The following ARHGEF10L variants were observed in gnomAD, a reference collection of about 807,000 sequenced individuals.
The protein encoded by ARHGEF10L is Rho guanine nucleotide exchange factor 10 like.
Under a neutral mutation model 141.2 loss-of-function variants are expected in ARHGEF10L, and 69 were observed. The ratio of observed to expected loss-of-function variants is 0.49; its 90% confidence interval spans 0.40 to 0.60. ARHGEF10L has a LOEUF of 0.60. Ranked by LOEUF, ARHGEF10L falls within the 20% of genes least tolerant of loss-of-function variation. The pLI is 0.00. For synonymous variants in ARHGEF10L, 711 were observed against 718.5 expected (o/e 0.99, Z 0.17); for missense variants, 1,482 against 1,734.3 (o/e 0.85, Z 2.58).
rs2059977256 is a variant in ARHGEF10L, at chr1:17,619,265, T to C, written c.836-74T>C. On this transcript the variant is annotated intron_variant, in intron 9 of 28. Coordinates refer to ENST00000361221, the MANE Select transcript of ARHGEF10L (RefSeq NM_018125.4). The surrounding 1 kb of genome is among the most constrained non-coding windows in gnomAD (Gnocchi z 5.0). ...GGGTCCAAGGCTGGTCTAGGGGGGC[T>C]CTCAGCTCCTGAGGCCTGAGCAGGG... The C allele has an allele frequency of 2.1e-6, 3 of 1,443,246 alleles. No homozygotes were observed. The highest frequency in any genetic ancestry group is 2.9e-6 in the Non-Finnish European group (3 of 1,042,170). 89.4% of individuals were successfully genotyped at this position (1,443,246 alleles called of 1,614,324 possible). A position where few individuals can be genotyped will look rare whatever the true frequency, so the allele number is the denominator to read the frequency against.
intron 7 of ARHGEF10L, among the ~76,000 whole-genome samples, chr1:17,609,245 C>G (rs1005887438): frequency 2.0e-5 from 3 of 152,218 alleles, no homozygotes; most frequent in Non-Finnish European, 2.9e-5. Context: ...GAGGAACACC[C>G]ACACCTGAGT....
At chr1:17,521,023 G>A in the ARHGEF10L span, among the ~76,000 whole-genome samples, 2 of 152,262 alleles carry the variant, frequency 1.3e-5, no homozygotes, top group Admixed American at 6.5e-5. Context: ...CATGCCATCC[G>A]GGCCTCAGCA....
At chr1:17,638,314 G>A (rs1173327461) in intron 19 of ARHGEF10L, among the ~76,000 whole-genome samples, 1 of 152,234 alleles carries the variant, frequency 6.6e-6, no homozygotes, top group Non-Finnish European at 1.5e-5. Context: ...CCAGTGTGGA[G>A]GGGAAGCTGG....
chr1:17,637,742 G>A (rs1186384143), intron 18 of ARHGEF10L, 146 bp from the exon 19 acceptor site: 3 of 607,854 alleles, frequency 4.9e-6, no homozygotes, highest in Non-Finnish European at 8.5e-6. Context: ...CTGACCTCGT[G>A]ATCTGCCTGC....
At chr1:17,682,230 G>T (rs928978216) in intron 26 of ARHGEF10L, among the ~76,000 whole-genome samples, 1 of 152,174 alleles carries the variant, frequency 6.6e-6, no homozygotes, top group Admixed American at 6.5e-5. Flanking sequence ...GGCCAGGGAA[G>T]AACTCTCGAG....
At chr1:17,659,231 C>T (rs1292425672) in intron 25 of ARHGEF10L, among the ~76,000 whole-genome samples, 1 of 152,156 alleles carries the variant, frequency 6.6e-6, no homozygotes, top group Non-Finnish European at 1.5e-5. Context: ...CCCAGTGAAC[C>T]TACTCTCTGG....
the ARHGEF10L span, among the ~76,000 whole-genome samples, chr1:17,527,662 C>CCCCAAGACACTCCTTTT: frequency 6.6e-6 from 1 of 151,988 alleles, no homozygotes; most frequent in Non-Finnish European, 1.5e-5. Context: ...AGTTCATCAC[C>CCCCAAGACACTCCTTTT]CCCAAGACAC....
chr1:17,532,093 G>T, the ARHGEF10L span, among the ~76,000 whole-genome samples: 3 of 152,138 alleles, frequency 2.0e-5, no homozygotes, highest in Non-Finnish European at 4.4e-5. Flanking sequence ...GTCCTGGCCC[G>T]CAGTCTCCAG....
rs367563314 is a variant in ARHGEF10L, at chr1:17,664,447, G to A, written c.2861G>A (p.Gly954Glu). 1.1e-5 allele frequency: 17 copies of A among 1,602,612 alleles called. No individual in the cohort carries two copies. Among genetic ancestry groups the A allele is most frequent in the South Asian group, 2.2e-5 (2 of 90,858 alleles). ...ACCTGCCTCCCCTCTCTCCCTGCAG[G>A]AGGTGTCCTGTGGGACCTGGAGAGC... ...GTLAAYPRTS[G>E]GVLWDLESPP... Residue 954 changes from glycine (G) to glutamate (E), a missense_variant and splice_region_variant, in exon 26 of 29, where the codon GGA (glycine) becomes GAA (glutamate). Physicochemically the swap from Gly to Glu is moderately conservative, Grantham distance 98. Around this residue, in one of 3 missense-constraint regions of ARHGEF10L, gnomAD observed 858 missense variants for 966.3 expected, o/e 0.89. Transcript: ENST00000361221.
rs541333249 is a variant in ARHGEF10L at position 17,573,026 on chromosome 1, C to A, written c.-43-7527C>A. On this transcript the variant is annotated intron_variant, in intron 1 of 28. Coordinates refer to ENST00000361221, the MANE Select transcript of ARHGEF10L (RefSeq NM_018125.4). The surrounding 1 kb of genome is among the most constrained non-coding windows in gnomAD (Gnocchi z 4.8). Reference sequence around the variant, plus strand: ...AATCCTACTGTTTCCCTTGGCAGTGCCCCTCCGTGAGCTCCAGCTCTTTCC... The same window carrying A: ...AATCCTACTGTTTCCCTTGGCAGTGACCCTCCGTGAGCTCCAGCTCTTTCC... Among the ~76,000 whole-genome samples the A allele has an allele frequency of 6.6e-6, 1 of 152,256 alleles. No individual in the cohort carries two copies. Among genetic ancestry groups the A allele is most frequent in the African/African-American group, 2.4e-5 (1 of 41,540 alleles).
intron 25 of ARHGEF10L, among the ~76,000 whole-genome samples, chr1:17,663,333 C>T (rs1163574969): frequency 6.6e-6 from 1 of 152,068 alleles, no homozygotes; most frequent in Non-Finnish European, 1.5e-5. Context: ...GGGTGGATCA[C>T]TTGAGGTCAG....
the ARHGEF10L span, among the ~76,000 whole-genome samples, chr1:17,522,478 C>G: frequency 6.6e-6 from 1 of 151,718 alleles, no homozygotes; most frequent in African/African-American, 2.4e-5. Context: ...ATCCTGCCTC[C>G]CCAACCCCCC....
Position 17,697,328 on chromosome 1 carries a change from G to C in ARHGEF10L, c.3788G>C (p.Cys1263Ser), listed in dbSNP as rs748664543. 2.5e-6 allele frequency: 4 copies of C among 1,611,640 alleles called. No homozygotes were observed. In the Admixed American group the frequency reaches 5.0e-5, roughly 20 times the overall value. ...ALGSSGRQAP[C>S]GETDSTLLIW... ...GGCAGCAGTGGGAGGCAGGCCCCGT[G>C]TGGGGAGACGGACAGCACCCTCCTC... The change falls in exon 29 of 29, where the codon TGT (cysteine) becomes TCT (serine). Residue 1263 changes from cysteine (C) to serine (S), a missense_variant. Physicochemically the swap from Cys to Ser is moderately radical, Grantham distance 112. This residue lies in a region of ARHGEF10L where 858 missense variants were observed against 966.3 expected (regional missense o/e 0.89). Coordinates refer to ENST00000361221, the MANE Select transcript of ARHGEF10L (RefSeq NM_018125.4). The surrounding 1 kb of genome is among the most constrained non-coding windows in gnomAD (Gnocchi z 4.8).
Position 17,603,303 on chromosome 1 carries a change from G to T in ARHGEF10L, c.350-205G>T, listed in dbSNP as rs2080865684. Among the ~76,000 whole-genome samples the T allele has an allele frequency of 7.8e-6, 1 of 128,528 alleles. No homozygotes were observed. Among genetic ancestry groups the T allele is most frequent in the Admixed American group, 8.5e-5 (1 of 11,724 alleles). The allele number at this position is 128,528 out of a possible 152,430, so 84.3% of individuals were successfully genotyped here. A position where few individuals can be genotyped will look rare whatever the true frequency, so the allele number is the denominator to read the frequency against. ...TGGGGTCTGTGCAGTCACTGGGAGG[G>T]CGCCTTGGAGGGGGTGGGGGGCGGG... is the stretch of plus-strand genomic sequence containing the variant. On this transcript the variant is annotated intron_variant, in intron 5 of 28. Transcript: ENST00000361221. This position sits in a 1 kb window ranked among gnomAD's most constrained non-coding sequence, Gnocchi z 4.8.
At position 17,573,361 on chromosome 1, in the gene ARHGEF10L, C is replaced by T. The variant is rs1385144777; in HGVS notation, c.-43-7192C>T. 1.2e-4 allele frequency among the ~76,000 whole-genome samples: 18 copies of T among 152,164 alleles called. No homozygotes were observed. The highest frequency in any genetic ancestry group is 1.2e-3 in the Admixed American group (18 of 15,274). ...TGATGGCACACAGTATGTGTCATGC[C>T]AGCTGCTGTCCCCTCTCTGGCTTCC... On this transcript the variant is annotated intron_variant, in intron 1 of 28. Coordinates refer to ENST00000361221, the MANE Select transcript of ARHGEF10L (RefSeq NM_018125.4). This position sits in a 1 kb window ranked among gnomAD's most constrained non-coding sequence, Gnocchi z 4.8.
intron 7 of ARHGEF10L, among the ~76,000 whole-genome samples, chr1:17,608,535 C>T (rs374720681): frequency 1.3e-5 from 2 of 152,180 alleles, no homozygotes; most frequent in East Asian, 1.9e-4. Context: ...CAGCTTTCCT[C>T]GTGTTTCTGC....
At chr1:17,544,835 A>G (rs924117691) in intron 1 of ARHGEF10L, among the ~76,000 whole-genome samples, 7 of 152,300 alleles carry the variant, frequency 4.6e-5, no homozygotes, top group Admixed American at 3.9e-4. Context: ...GAGGTCTCAC[A>G]ATCATGGTAG....
At position 17,644,728 on chromosome 1, in the gene ARHGEF10L, T is replaced by C. The variant is rs185087192; in HGVS notation, c.2273-3826T>C. Among the ~76,000 whole-genome samples the C allele has an allele frequency of 1.1e-3, 168 of 151,832 alleles. 1 individual carries two copies. Among genetic ancestry groups the C allele is most frequent in the Non-Finnish European group, 2.2e-3 (149 of 67,872 alleles). ...GCCCAGTAGGAGTCTGGGAGGCAGGTCGGGCTGGAGAAGCAGGGCTGGGCC... is the reference window on the plus strand; with the variant it reads ...GCCCAGTAGGAGTCTGGGAGGCAGGCCGGGCTGGAGAAGCAGGGCTGGGCC... On this transcript the variant is annotated intron_variant, in intron 21 of 28. Transcript: ENST00000361221. The surrounding 1 kb of genome is among the most constrained non-coding windows in gnomAD (Gnocchi z 4.5).
the ARHGEF10L span, among the ~76,000 whole-genome samples, chr1:17,523,743 AGTT>A: frequency 2.6e-5 from 4 of 152,082 alleles, no homozygotes; most frequent in African/African-American, 9.7e-5. Context: ...TGGGTTCTAG[AGTT>A]GTTTCTGCCT....
Sources: allele counts gnomAD v4.1 joint callset (sites outside exome capture counted in the v4.1 genomes callset), GRCh38; gene constraint gnomAD v4.1.1; regional missense constraint gnomAD v4.1.1; non-coding constraint Gnocchi (gnomAD v3.1); transcripts MANE v1.5; gene names NCBI Gene and HGNC (gene_info 2026-07-23, HGNC 2026-07-21).